The following RAB28 variants were observed in gnomAD, a reference collection of about 807,000 sequenced individuals.
The protein encoded by RAB28 is ras-related protein Rab-28.
RAB28 carries 24 observed loss-of-function variants against 31.7 expected under a neutral mutation model. The ratio of observed to expected loss-of-function variants is 0.76; its 90% CI spans 0.55 to 1.06. The LOEUF is 1.06. Among genes scored for constraint, RAB28 ranks in the 50% least tolerant of loss-of-function variants. RAB28 has a pLI of 0.00. For synonymous variants in RAB28, 100 were observed against 90.4 expected (o/e 1.11, Z -0.60); for missense variants, 254 against 258.5 (o/e 0.98, Z 0.12).
chr4:13,407,487 T>C (rs1004146677), intron 4 of RAB28, among the ~76,000 whole-genome samples: 3 of 152,164 alleles, frequency 2.0e-5, no homozygotes, highest in Admixed American at 1.3e-4. Context: ...CTTGCCTATA[T>C]GGGCTCTTTT....
chr4:13,412,149 G>A (rs1046601420), intron 4 of RAB28, among the ~76,000 whole-genome samples: 2 of 152,156 alleles, frequency 1.3e-5, no homozygotes, highest in Admixed American at 6.5e-5. Flanking sequence ...GCTGACACAT[G>A]TAAAATCAAG....
chr4:13,382,902 G>A (rs561460141), intron 4 of RAB28, among the ~76,000 whole-genome samples: 7 of 151,916 alleles, frequency 4.6e-5, no homozygotes, highest in African/African-American at 9.7e-5. Flanking sequence ...GTTTCACTAC[G>A]TTGGCCAGGT....
intron 3 of RAB28, among the ~76,000 whole-genome samples, chr4:13,471,478 GA>G: frequency 6.6e-6 from 1 of 151,996 alleles, no homozygotes; most frequent in East Asian, 1.9e-4. Flanking sequence ...CTGGAAAGCA[GA>G]AAAAAGTTAT....
At chr4:13,434,538 G>A (rs575181595) in intron 4 of RAB28, among the ~76,000 whole-genome samples, 111 of 152,132 alleles carry the variant, frequency 7.3e-4, no homozygotes, top group Middle Eastern at 3.4e-3. Flanking sequence ...AACTAACAAA[G>A]GAATTAAATT....
intron 4 of RAB28, among the ~76,000 whole-genome samples, chr4:13,454,797 T>C (rs954577830): frequency 1.3e-5 from 2 of 152,116 alleles, no homozygotes; most frequent in Admixed American, 6.5e-5. Context: ...CAGCTGCTAG[T>C]CCAGCCTGGG....
chr4:13,376,711 A>G (rs1158721681), intron 5 of RAB28, 89 bp from the exon 6 acceptor site: 1 of 820,258 alleles, frequency 1.2e-6, no homozygotes, highest in African/African-American at 1.7e-5. Context: ...AATGATAAAC[A>G]GCAATAATTG....
rs185742738 is a variant in RAB28, at chr4:13,439,223, T to C, written c.391+21476A>G. On this transcript the variant is annotated intron_variant, in intron 4 of 6. Transcript: ENST00000330852. ...TTCTCTCTCTACAGACTTGATTTTATCTTCTTGCTAATGTCCTTTGACGCA... is the reference window on the plus strand; with the variant it reads ...TTCTCTCTCTACAGACTTGATTTTACCTTCTTGCTAATGTCCTTTGACGCA... 3.9e-5 allele frequency among the ~76,000 whole-genome samples: 6 copies of C among 152,370 alleles called. No homozygotes were observed. The East Asian group carries it at 9.6e-4, about 24-fold the overall frequency.
At chr4:13,460,434 C>T (rs756660064) in intron 4 of RAB28, among the ~76,000 whole-genome samples, 20 of 152,014 alleles carry the variant, frequency 1.3e-4, no homozygotes, top group Non-Finnish European at 2.2e-4. Flanking sequence ...CAGGTTTGTC[C>T]GAAACTCCTG....
In RAB28 at chr4:13,484,250, G is replaced by T; in HGVS notation, c.-100C>A. ...AGGAGGAAGGGAGGTAGTTGCGGCA[G>T]GACCCCCGCCCCGGTGTCTCCGCGC... On this transcript the variant is annotated 5_prime_UTR_variant, in exon 1 of 7. The change creates a new upstream start codon in the 5' untranslated region. Transcript: ENST00000330852. 1 of 906,318 alleles carries T rather than the reference G, an allele frequency of 1.1e-6. No homozygotes were observed. Among genetic ancestry groups the T allele is most frequent in the South Asian group, 1.4e-5 (1 of 70,064 alleles). 56.1% of individuals were successfully genotyped at this position (906,318 alleles called of 1,614,324 possible).
At chr4:13,424,992 A>G (rs1240577384) in intron 4 of RAB28, among the ~76,000 whole-genome samples, 1 of 152,198 alleles carries the variant, frequency 6.6e-6, no homozygotes, top group Admixed American at 6.5e-5. Context: ...AGAATCATCT[A>G]CACTTACTGA....
chr4:13,462,609 A>G (rs1715647084), intron 3 of RAB28, among the ~76,000 whole-genome samples: 1 of 152,112 alleles, frequency 6.6e-6, no homozygotes. Flanking sequence ...ATTAAACCAT[A>G]TTGGTCCCCA....
At chr4:13,429,875 C>A (rs1577206720) in intron 4 of RAB28, among the ~76,000 whole-genome samples, 2 of 152,142 alleles carry the variant, frequency 1.3e-5, no homozygotes, top group Non-Finnish European at 2.9e-5. Flanking sequence ...TTCAAACTTA[C>A]TACAGTAATC....
At chr4:13,420,885 A>G (rs1374736603) in intron 4 of RAB28, among the ~76,000 whole-genome samples, 1 of 152,238 alleles carries the variant, frequency 6.6e-6, no homozygotes, top group Non-Finnish European at 1.5e-5. Context: ...TATTCAACAT[A>G]GTGTTGGAAG....
chr4:13,478,943 A>G (rs1188767170), intron 2 of RAB28, among the ~76,000 whole-genome samples: 1 of 151,634 alleles, frequency 6.6e-6, no homozygotes, highest in African/African-American at 2.4e-5. Context: ...AATGCCAGCA[A>G]TTTCATGCTG....
At chr4:13,450,255 G>A (rs546181521) in intron 4 of RAB28, among the ~76,000 whole-genome samples, 1 of 151,614 alleles carries the variant, frequency 6.6e-6, no homozygotes, top group Non-Finnish European at 1.5e-5. Flanking sequence ...TAGGATTTAA[G>A]AAGCAAACTT....
chr4:13,388,500 A>G (rs914654583), intron 4 of RAB28, among the ~76,000 whole-genome samples: 1 of 152,080 alleles, frequency 6.6e-6, no homozygotes, highest in Non-Finnish European at 1.5e-5. Context: ...CAGAGAAACA[A>G]AAGAAATAAC....
At chr4:13,476,825 A>G (rs1046710383) in intron 2 of RAB28, among the ~76,000 whole-genome samples, 4 of 151,570 alleles carry the variant, frequency 2.6e-5, no homozygotes, top group South Asian at 4.1e-4. Flanking sequence ...CAAACACAAA[A>G]TGCTGCAAAA....
chr4:13,450,488 T>C (rs1015788002), intron 4 of RAB28, among the ~76,000 whole-genome samples: 4 of 151,914 alleles, frequency 2.6e-5, no homozygotes, highest in African/African-American at 9.7e-5. Flanking sequence ...TCATTTTCCC[T>C]GAATAACACA....
At chr4:13,398,280 C>T (rs980740274) in intron 4 of RAB28, among the ~76,000 whole-genome samples, 2 of 152,048 alleles carry the variant, frequency 1.3e-5, no homozygotes, top group Admixed American at 6.6e-5. Context: ...ATGTTTTGGG[C>T]ATTTACCACA....
Sources: gnomAD v4.1 joint callset for allele counts (sites outside exome capture counted in the v4.1 genomes callset) on GRCh38, gnomAD v4.1.1 for gene constraint, MANE v1.5 for transcripts, NCBI Gene and HGNC (gene_info 2026-07-23, HGNC 2026-07-21) for gene names.